ARB2A: variants seen among roughly 807,000 people sequenced by gnomAD.
ARB2A encodes the protein cotranscriptional regulator ARB2A.
the ARB2A span, among the ~76,000 whole-genome samples, chr5:93,854,232 A>G: frequency 6.6e-6 from 1 of 152,088 alleles, no homozygotes; most frequent in Admixed American, 6.6e-5. Context: ...TAGATTTTCT[A>G]GTTTATTTGC....
At chr5:93,661,124 T>C in the ARB2A span, among the ~76,000 whole-genome samples, 1 of 152,140 alleles carries the variant, frequency 6.6e-6, no homozygotes, top group Non-Finnish European at 1.5e-5. Context: ...ACATGGCCCC[T>C]GTTTTCACAG....
chr5:93,823,536 A>T, the ARB2A span, among the ~76,000 whole-genome samples: 1 of 152,220 alleles, frequency 6.6e-6, no homozygotes, highest in East Asian at 1.9e-4. Flanking sequence ...TTGACATTTT[A>T]AACACTTTAT....
the ARB2A span, among the ~76,000 whole-genome samples, chr5:94,005,111 T>TTGAA: frequency 6.7e-6 from 1 of 149,190 alleles, no homozygotes; most frequent in Non-Finnish European, 1.5e-5. Flanking sequence ...GTATGAAAAA[T>TTGAA]TGAAAAAAAT....
the ARB2A span, among the ~76,000 whole-genome samples, chr5:93,685,248 T>A: frequency 4.6e-4 from 70 of 152,322 alleles, 2 homozygotes; most frequent in South Asian, 0.012. Context: ...CCTGGTTATA[T>A]TTAAGGCTTA....
chr5:93,739,548 T>C, the ARB2A span: 1 of 152,274 alleles, frequency 6.6e-6, no homozygotes, highest in African/African-American at 2.4e-5. Flanking sequence ...AAATAGAGCA[T>C]GCAGGTGTGT....
At chr5:93,774,968 C>T in the ARB2A span, among the ~76,000 whole-genome samples, 1 of 151,956 alleles carries the variant, frequency 6.6e-6, no homozygotes, top group African/African-American at 2.4e-5. Flanking sequence ...ATATAACTAG[C>T]ATAAATAATG....
At chr5:93,679,720 T>C in the ARB2A span, among the ~76,000 whole-genome samples, 3 of 152,124 alleles carry the variant, frequency 2.0e-5, no homozygotes, top group African/African-American at 7.2e-5. Flanking sequence ...AAATGTGATA[T>C]TGCATGATTT....
At chr5:93,972,017 C>T in the ARB2A span, among the ~76,000 whole-genome samples, 2 of 152,148 alleles carry the variant, frequency 1.3e-5, no homozygotes, top group Admixed American at 6.5e-5. Context: ...AATCTCTCGC[C>T]TCCCTGCCCC....
the ARB2A span, among the ~76,000 whole-genome samples, chr5:93,654,656 A>C: frequency 6.6e-6 from 1 of 152,198 alleles, no homozygotes; most frequent in East Asian, 1.9e-4. Context: ...AATTATTTGA[A>C]GACACCCTTG....
chr5:93,789,342 A>G, the ARB2A span, among the ~76,000 whole-genome samples: 236 of 152,324 alleles, frequency 1.5e-3, 1 homozygote, highest in African/African-American at 5.4e-3. Context: ...GCATGAATGA[A>G]TCATCACTCC....
chr5:93,887,957 C>T, the ARB2A span, among the ~76,000 whole-genome samples: 14 of 151,850 alleles, frequency 9.2e-5, no homozygotes, highest in African/African-American at 3.1e-4. Context: ...ATTGTATCTT[C>T]CCTTGTTCCC....
At chr5:93,921,706 G>A in the ARB2A span, among the ~76,000 whole-genome samples, 2 of 152,196 alleles carry the variant, frequency 1.3e-5, no homozygotes, top group Admixed American at 1.3e-4. Context: ...TCAGGTTTAT[G>A]ATCAGGACTG....
the ARB2A span, among the ~76,000 whole-genome samples, chr5:93,649,984 C>G: frequency 6.6e-6 from 1 of 152,056 alleles, no homozygotes; most frequent in Non-Finnish European, 1.5e-5. Context: ...GACTCAACAA[C>G]TCATCATTCA....
chr5:93,680,018 AAC>A, the ARB2A span, among the ~76,000 whole-genome samples: 1 of 152,128 alleles, frequency 6.6e-6, no homozygotes, highest in Admixed American at 6.5e-5. Context: ...GGTGATTTTT[AAC>A]AGTCCTTAAA....
chr5:93,801,944 A>AT, the ARB2A span, among the ~76,000 whole-genome samples: 1 of 152,024 alleles, frequency 6.6e-6, no homozygotes, highest in African/African-American at 2.4e-5. Flanking sequence ...ATTTTTAGAC[A>AT]TTTTCTGTTT....
At chr5:93,960,091 C>G in the ARB2A span, among the ~76,000 whole-genome samples, 95 of 147,018 alleles carry the variant, frequency 6.5e-4, 4 homozygotes, top group Admixed American at 5.8e-3. Context: ...GCCCCCCCCC[C>G]CCCCAAAAAA....
At chr5:93,765,525 A>G in the ARB2A span, among the ~76,000 whole-genome samples, 1 of 152,272 alleles carries the variant, frequency 6.6e-6, no homozygotes, top group Non-Finnish European at 1.5e-5. Flanking sequence ...ACTACAAACC[A>G]CTGCTCAATG....
the ARB2A span, among the ~76,000 whole-genome samples, chr5:94,069,654 G>A: frequency 6.6e-6 from 1 of 152,176 alleles, no homozygotes; most frequent in African/African-American, 2.4e-5. Context: ...CTAAAAAGAA[G>A]GCATACAAAT....
At chr5:93,624,652 C>T in the ARB2A span, among the ~76,000 whole-genome samples, 1 of 152,046 alleles carries the variant, frequency 6.6e-6, no homozygotes, top group Non-Finnish European at 1.5e-5. Flanking sequence ...ATGATAATGG[C>T]CTCTGGAGGC....
Sources: allele counts gnomAD v4.1 joint callset (sites outside exome capture counted in the v4.1 genomes callset), GRCh38; gene constraint gnomAD v4.1.1; transcripts MANE v1.5; gene names NCBI Gene and HGNC (gene_info 2026-07-23, HGNC 2026-07-21).